The following C11orf65 variants were observed in gnomAD, a reference collection of about 807,000 sequenced individuals.
C11orf65 encodes protein MFI.
C11orf65 carries 38 observed loss-of-function variants against 35.3 expected under a neutral mutation model. The observed-to-expected ratio is 1.08, with a 90% CI of 0.83 to 1.41. C11orf65 has a LOEUF of 1.41. C11orf65 is among the 40% of genes most tolerant of loss of function. The probability of loss-of-function intolerance (pLI) is 0.00; values close to 1 mark genes in which losing one functional copy is unlikely to be tolerated. For synonymous variants in C11orf65, 105 were observed against 114.4 expected, an observed-to-expected ratio of 0.92 and a Z score of 0.53; for missense variants, 370 against 367.1, an observed-to-expected ratio of 1.01 and a Z score of -0.06.
chr11:108,427,721 CAAAAAA>C (rs1176005299), intron 3 of C11orf65, among the ~76,000 whole-genome samples: 10 of 40,744 alleles, frequency 2.5e-4, no homozygotes, highest in East Asian at 9.7e-4. Context: ...AACTCCGCCT[CAAAAAA>C]AAAAAAAAAA....
intron 2 of C11orf65, chr11:108,354,660 C>T (rs544853323): frequency 2.7e-6 from 2 of 750,680 alleles, no homozygotes; most frequent in East Asian, 2.5e-5. Context: ...AATGAAAGCC[C>T]ACTCTGCCAA....
At chr11:108,316,753 C>A (rs368830494) in intron 6 of C11orf65, among the ~76,000 whole-genome samples, 805 of 72,114 alleles carry the variant, frequency 0.011, no homozygotes, top group East Asian at 0.015. Flanking sequence ...ACTAAAAATA[C>A]AAAAAAAAAA....
At position 108,365,063 on chromosome 11, in the gene C11orf65, A is replaced by G. The variant is rs772496794; in HGVS notation, c.226+28145T>C. 22 of 1,612,908 alleles carry G rather than the reference A, an allele frequency of 1.4e-5. 1 individual carries two copies. The South Asian group carries it at 2.2e-4, about 16-fold the overall frequency. ...AAAATGTACATTGTTCTTTTAATAC[A>G]TATGTTCTCTCTGTTTAGGTCCTTC... On this transcript the variant is annotated intron_variant, in intron 2 of 3. Transcript: ENST00000524755.
intron 6 of C11orf65, chr11:108,317,224 C>T: frequency 1.4e-6 from 1 of 739,634 alleles, no homozygotes; most frequent in Non-Finnish European, 2.2e-6. Flanking sequence ...CAGGCATGAG[C>T]CACCACACCC....
At chr11:108,315,937 G>A (rs773648739) in intron 6 of C11orf65, 145 of 1,606,504 alleles carry the variant, frequency 9.0e-5, no homozygotes, top group Non-Finnish European at 1.1e-4. Flanking sequence ...CTAAACAACG[G>A]TATAGTAATT....
At chr11:108,461,591 G>T in intron 1 of C11orf65, 23 bp from the exon 2 acceptor site, 2 of 1,322,150 alleles carry the variant, frequency 1.5e-6, no homozygotes, top group Non-Finnish European at 1.1e-6. Context: ...GAGCAAAAAG[G>T]GTACATTTAA....
At chr11:108,319,828 A>G in intron 6 of C11orf65, 2 of 689,720 alleles carry the variant, frequency 2.9e-6, no homozygotes, top group Non-Finnish European at 5.0e-6. Context: ...CAAAAATTCT[A>G]GAAATGCATT....
intron 2 of C11orf65, among the ~76,000 whole-genome samples, chr11:108,442,537 G>C (rs1052328791): frequency 3.3e-5 from 5 of 152,198 alleles, no homozygotes; most frequent in African/African-American, 1.2e-4. Context: ...ATTCACCAAA[G>C]TTGAAATGAA....
chr11:108,439,193 AAAG>A (rs1174274798), intron 2 of C11orf65, among the ~76,000 whole-genome samples: 3 of 152,244 alleles, frequency 2.0e-5, no homozygotes, highest in Non-Finnish European at 4.4e-5. Context: ...ATATTTCTCC[AAAG>A]AAGACTTACA....
chr11:108,451,336 A>C (rs1297631254), intron 2 of C11orf65, among the ~76,000 whole-genome samples: 1 of 152,018 alleles, frequency 6.6e-6, no homozygotes, highest in East Asian at 1.9e-4. Context: ...AATGTGCAAA[A>C]ATCACAAGCA....
intron 3 of C11orf65, among the ~76,000 whole-genome samples, chr11:108,411,819 G>A (rs1001710130): frequency 1.5e-4 from 22 of 147,266 alleles, no homozygotes; most frequent in Admixed American, 1.2e-3. Context: ...ATGGAGTCTC[G>A]CTCTGTCATC....
intron 2 of C11orf65, among the ~76,000 whole-genome samples, chr11:108,443,881 T>C (rs1397801028): frequency 2.0e-5 from 3 of 151,926 alleles, no homozygotes; most frequent in East Asian, 1.9e-4. Context: ...AGATCTACAA[T>C]TGACACCCTA....
intron 6 of C11orf65, among the ~76,000 whole-genome samples, chr11:108,403,156 T>G (rs1226069008): frequency 1.3e-5 from 2 of 152,202 alleles, no homozygotes; most frequent in East Asian, 3.9e-4. Context: ...AAAAAAAAAC[T>G]TGTCAAACCG....
intron 3 of C11orf65, among the ~76,000 whole-genome samples, chr11:108,425,467 T>C (rs527679719): frequency 2.2e-4 from 33 of 152,178 alleles, no homozygotes; most frequent in Non-Finnish European, 2.6e-4. Flanking sequence ...AAATCCCTGA[T>C]AGACCAATAA....
intron 2 of C11orf65, among the ~76,000 whole-genome samples, chr11:108,362,807 G>C (rs1164658510): frequency 8.3e-6 from 1 of 120,666 alleles, no homozygotes; most frequent in African/African-American, 3.1e-5. Flanking sequence ...GGTGGGGTGG[G>C]GGGCGGGGGG....
chr11:108,327,280 CT>C (rs200893749), downstream of C11orf65: 1 of 274,174 alleles, frequency 3.6e-6, no homozygotes, highest in East Asian at 9.2e-5. Flanking sequence ...AGTTACCCAA[CT>C]TCCTTGTACC....
At chr11:108,376,289 C>A (rs1490838427) in intron 2 of C11orf65, among the ~76,000 whole-genome samples, 1 of 151,576 alleles carries the variant, frequency 6.6e-6, no homozygotes, top group Non-Finnish European at 1.5e-5. Flanking sequence ...GTCTCTCAGA[C>A]CACAGTGCAA....
chr11:108,364,497 G>C (rs904746272), intron 2 of C11orf65, among the ~76,000 whole-genome samples: 1 of 152,096 alleles, frequency 6.6e-6, no homozygotes, highest in African/African-American at 2.4e-5. Context: ...GATTCCAAAC[G>C]CAGCACCAAA....
At chr11:108,462,246 T>C (rs751170656) in intron 1 of C11orf65, among the ~76,000 whole-genome samples, 2 of 152,198 alleles carry the variant, frequency 1.3e-5, no homozygotes, top group African/African-American at 2.4e-5. Flanking sequence ...GTTCTTGCTA[T>C]GTTTCCCAGG....
Sources: gnomAD v4.1 joint callset for allele counts (sites outside exome capture counted in the v4.1 genomes callset) on GRCh38, gnomAD v4.1.1 for gene constraint, MANE v1.5 for transcripts, NCBI Gene and HGNC (gene_info 2026-07-23, HGNC 2026-07-21) for gene names.